Variants in CIDEA observed in about 807,000 individuals in gnomAD.
The protein encoded by CIDEA is lipid transferase CIDEA.
CIDEA carries 10 observed loss-of-function variants against 18.2 expected under a neutral mutation model. The ratio of observed to expected loss-of-function variants is 0.55; its 90% CI spans 0.34 to 0.93. The LOEUF is 0.93. CIDEA is among the 40% of genes least tolerant of loss of function. The pLI is 0.02. For missense variants in CIDEA, 309 were observed against 293.1 expected (o/e 1.05, Z -0.40); for synonymous variants, 128 against 124.8 (o/e 1.03, Z -0.17).
At chr18:12,259,064 G>A (rs527652583) in intron 1 of CIDEA, among the ~76,000 whole-genome samples, 2 of 152,328 alleles carry the variant, frequency 1.3e-5, no homozygotes, top group East Asian at 1.9e-4. Flanking sequence ...CTTAATCGAG[G>A]TGACAGTTCA....
intron 1 of CIDEA, among the ~76,000 whole-genome samples, chr18:12,259,627 C>G (rs1402704704): frequency 2.0e-5 from 3 of 152,114 alleles, no homozygotes; most frequent in Admixed American, 2.0e-4. Flanking sequence ...TTAGGGAGGC[C>G]AAGGTGGGCA....
chr18:12,267,777 G>A (rs1449985166), intron 3 of CIDEA, among the ~76,000 whole-genome samples: 1 of 152,152 alleles, frequency 6.6e-6, no homozygotes, highest in Non-Finnish European at 1.5e-5. Context: ...TTACAGGCAT[G>A]AGCCACCACA....
At chr18:12,260,844 T>G (rs1007625090) in intron 1 of CIDEA, among the ~76,000 whole-genome samples, 2 of 152,204 alleles carry the variant, frequency 1.3e-5, no homozygotes, top group Non-Finnish European at 2.9e-5. Flanking sequence ...CTACACCCTT[T>G]GTTTCATTCT....
intron 2 of CIDEA, among the ~76,000 whole-genome samples, chr18:12,263,336 C>A (rs920953714): frequency 3.9e-5 from 6 of 152,022 alleles, no homozygotes; most frequent in African/African-American, 1.5e-4. Context: ...AACCACTGCA[C>A]CGTATACTTT....
chr18:12,276,145 C>G (rs892474193), intron 4 of CIDEA, among the ~76,000 whole-genome samples: 1 of 151,960 alleles, frequency 6.6e-6, no homozygotes, highest in African/African-American at 2.4e-5. Flanking sequence ...AGGCATGCAC[C>G]ACCACACCCA....
intron 1 of CIDEA, chr18:12,254,723 A>G (rs138842715): frequency 1.0e-4 from 154 of 1,471,778 alleles, no homozygotes; most frequent in Middle Eastern, 7.2e-4. Context: ...ACCAGGTGAC[A>G]GCTGGCGAGT....
In CIDEA at chr18:12,270,688, C is replaced by CAA. The variant is rs68102741; in HGVS notation, c.331-3378_331-3377dup. On this transcript the variant is annotated intron_variant, in intron 3 of 4. Transcript: ENST00000320477. ...GGCGACAGAGCAAGACTCCGTCTCA[C>CAA]AAAAAAAAAAAAAAAAAAAAAAAAA... Among the ~76,000 whole-genome samples, 106 of 72,796 alleles carry CAA rather than the reference C, an allele frequency of 1.5e-3. 13 individuals carry two copies. Among genetic ancestry groups the CAA allele is most frequent in the African/African-American group, 3.7e-3 (44 of 11,922 alleles). 47.8% of individuals were successfully genotyped at this position (72,796 alleles called of 152,430 possible).
chr18:12,257,713 T>C (rs1912076756), intron 1 of CIDEA, among the ~76,000 whole-genome samples: 1 of 152,240 alleles, frequency 6.6e-6, no homozygotes, highest in South Asian at 2.1e-4. Flanking sequence ...TCTTCCCTGT[T>C]AGAGGGTTAT....
chr18:12,265,510 TC>T (rs969575663), intron 3 of CIDEA, among the ~76,000 whole-genome samples: 6 of 152,216 alleles, frequency 3.9e-5, no homozygotes, highest in African/African-American at 1.4e-4. Context: ...AAGCAGGGAA[TC>T]TTAGAGCTCT....
chr18:12,263,391 T>C (rs1206132218), intron 2 of CIDEA, among the ~76,000 whole-genome samples: 1 of 152,178 alleles, frequency 6.6e-6, no homozygotes, highest in Non-Finnish European at 1.5e-5. Flanking sequence ...TCAGTAAAGC[T>C]GTTTTTAAAA....
intron 4 of CIDEA, among the ~76,000 whole-genome samples, chr18:12,274,509 C>G (rs1173373002): frequency 1.3e-5 from 2 of 152,168 alleles, no homozygotes; most frequent in East Asian, 3.8e-4. Flanking sequence ...TCATTAGAAA[C>G]AAAAGCTAAA....
At chr18:12,274,042 T>G in intron 3 of CIDEA, 51 bp from the exon 4 acceptor site, 1 of 1,593,446 alleles carries the variant, frequency 6.3e-7, no homozygotes, top group Non-Finnish European at 8.6e-7. Context: ...AGTGATGACG[T>G]GGGAGGGTTA....
chr18:12,257,742 T>C (rs1912077022), intron 1 of CIDEA, among the ~76,000 whole-genome samples: 1 of 152,222 alleles, frequency 6.6e-6, no homozygotes, highest in Non-Finnish European at 1.5e-5. Flanking sequence ...CTGTTTCCTG[T>C]GGTTGTGTGC....
At chr18:12,257,127 C>T (rs934194517) in intron 1 of CIDEA, among the ~76,000 whole-genome samples, 4 of 152,178 alleles carry the variant, frequency 2.6e-5, no homozygotes, top group Non-Finnish European at 5.9e-5. Context: ...TTTCCCAGCC[C>T]TCCCTTCCTT....
Position 12,277,536 on chromosome 18 carries a change from T to C in CIDEA, c.*266T>C. 1 of 416,910 alleles carries C rather than the reference T, an allele frequency of 2.4e-6. No individual in the cohort carries two copies. Among genetic ancestry groups the C allele is most frequent in the Non-Finnish European group, 4.4e-6 (1 of 229,572 alleles). The allele number at this position is 416,910 out of a possible 1,614,324, so 25.8% of individuals were successfully genotyped here. ...AGGCGTGCCCAGGAGCGTGTGCATG[T>C]GTCAGAGCCATTTGGTCCATCATCT... On this transcript the variant is annotated 3_prime_UTR_variant, in exon 5 of 5. Transcript: ENST00000320477.
intron 1 of CIDEA, among the ~76,000 whole-genome samples, chr18:12,262,238 G>A (rs1042180847): frequency 2.1e-4 from 31 of 150,196 alleles, no homozygotes; most frequent in Non-Finnish European, 3.8e-4. Flanking sequence ...AAAGTGTCCT[G>A]TGATGTAAGC....
intron 3 of CIDEA, among the ~76,000 whole-genome samples, 158 bp from the exon 4 acceptor site, chr18:12,273,935 G>A (rs1425071615): frequency 6.6e-6 from 1 of 152,192 alleles, no homozygotes; most frequent in East Asian, 1.9e-4. Context: ...GTGTGCAAAT[G>A]GGTCCTGCTG....
At chr18:12,261,446 A>G (rs1039001909) in intron 1 of CIDEA, among the ~76,000 whole-genome samples, 2 of 152,206 alleles carry the variant, frequency 1.3e-5, no homozygotes, top group Non-Finnish European at 2.9e-5. Context: ...CCTTCTAGTG[A>G]CAGCAGCAGG....
intron 4 of CIDEA, among the ~76,000 whole-genome samples, chr18:12,275,992 TCTTA>T (rs1378033245): frequency 9.4e-5 from 6 of 63,534 alleles, no homozygotes; most frequent in African/African-American, 2.3e-4. Flanking sequence ...CTTTTTCTTT[TCTTA>T]TTTTTTTTCT....
Sources: allele counts gnomAD v4.1 joint callset (sites outside exome capture counted in the v4.1 genomes callset), GRCh38; gene constraint gnomAD v4.1.1; transcripts MANE v1.5; gene names NCBI Gene and HGNC (gene_info 2026-07-23, HGNC 2026-07-21).